The following CWC27 variants were observed in gnomAD, a reference collection of about 807,000 sequenced individuals.
The protein encoded by CWC27 is spliceosome-associated protein CWC27 homolog.
In CWC27, 47 loss-of-function variants were observed where a neutral mutation model predicts 63.6. The ratio of observed to expected loss-of-function variants is 0.74; its 90% CI spans 0.58 to 0.94. CWC27 has a LOEUF of 0.94. CWC27 is among the 40% of genes least tolerant of loss of function. The pLI is 0.00. For missense variants in CWC27, 495 were observed against 554.3 expected (o/e 0.89, Z 1.07); for synonymous variants, 175 against 179.8 (o/e 0.97, Z 0.22).
chr5:65,009,411 A>G lies in CWC27; in HGVS notation c.1257-8748A>G, dbSNP rs897823657. Among the ~76,000 whole-genome samples the G allele has an allele frequency of 2.0e-5, 3 of 152,250 alleles. 1 individual carries two copies. The highest frequency in any genetic ancestry group is 2.0e-4 in the Admixed American group (3 of 15,286). The stretch of plus-strand genomic sequence containing the variant: ...CACAGTAGCAGTATAATAGAGTATT[A>G]TAAAAATGTAAATATTCAAATAAGC... On this transcript the variant is annotated intron_variant, in intron 13 of 13. Transcript: ENST00000381070.
At chr5:64,949,108 A>AT (rs1176231586) in intron 11 of CWC27, among the ~76,000 whole-genome samples, 2 of 151,960 alleles carry the variant, frequency 1.3e-5, no homozygotes, top group African/African-American at 4.8e-5. Context: ...AACTTTATTT[A>AT]GACTTTTTAG....
At chr5:64,892,761 C>T (rs902987167) in intron 11 of CWC27, among the ~76,000 whole-genome samples, 2 of 151,984 alleles carry the variant, frequency 1.3e-5, no homozygotes, top group African/African-American at 4.8e-5. Flanking sequence ...TGAAAAATTC[C>T]CACTATTTCA....
chr5:64,776,725 T>G (rs1448489138), intron 2 of CWC27, among the ~76,000 whole-genome samples: 1 of 152,120 alleles, frequency 6.6e-6, no homozygotes, highest in Non-Finnish European at 1.5e-5. Context: ...GCTTCTATGA[T>G]TTAGACGAGT....
intron 11 of CWC27, among the ~76,000 whole-genome samples, chr5:64,969,714 G>A (rs540095373): frequency 6.6e-6 from 1 of 151,866 alleles, no homozygotes; most frequent in African/African-American, 2.4e-5. Context: ...AATGTCTAGT[G>A]AGTTTAAAGA....
intron 11 of CWC27, among the ~76,000 whole-genome samples, chr5:64,938,517 T>G (rs995403294): frequency 3.3e-5 from 5 of 152,310 alleles, no homozygotes; most frequent in Non-Finnish European, 7.3e-5. Flanking sequence ...ACCTGACCTT[T>G]CTCCCTGGCT....
chr5:64,992,897 T>G (rs1446807146), intron 13 of CWC27, among the ~76,000 whole-genome samples: 1 of 152,130 alleles, frequency 6.6e-6, no homozygotes, highest in Non-Finnish European at 1.5e-5. Flanking sequence ...GTACAATTAC[T>G]CGAAAATAAT....
At chr5:65,011,134 G>A (rs957008649) in intron 13 of CWC27, among the ~76,000 whole-genome samples, 11 of 152,266 alleles carry the variant, frequency 7.2e-5, no homozygotes, top group South Asian at 4.2e-4. Context: ...AGAGGCAGGA[G>A]GATCACTTGA....
intron 10 of CWC27, among the ~76,000 whole-genome samples, chr5:64,877,490 A>G (rs998763622): frequency 1.3e-5 from 2 of 151,990 alleles, no homozygotes; most frequent in African/African-American, 4.8e-5. Flanking sequence ...TCCATCCTCA[A>G]TAGCAGAGTA....
chr5:64,866,841 A>G (rs1746541221), intron 10 of CWC27, among the ~76,000 whole-genome samples: 1 of 152,106 alleles, frequency 6.6e-6, no homozygotes, highest in African/African-American at 2.4e-5. Flanking sequence ...ACCGTTTCAT[A>G]TGCATTTGAG....
intron 11 of CWC27, among the ~76,000 whole-genome samples, chr5:64,963,118 C>G (rs1417046793): frequency 6.6e-6 from 1 of 151,950 alleles, no homozygotes; most frequent in African/African-American, 2.4e-5. Context: ...CCACCACACC[C>G]AGCTAATTTT....
chr5:64,951,043 GTTTTTT>G (rs749072987), intron 11 of CWC27, among the ~76,000 whole-genome samples: 2 of 151,396 alleles, frequency 1.3e-5, no homozygotes, highest in African/African-American at 2.4e-5. Flanking sequence ...TGTTACTTTT[GTTTTTT>G]TAAGTATTAT....
At chr5:64,970,030 G>T (rs78248692) in intron 11 of CWC27, among the ~76,000 whole-genome samples, 8,878 of 152,148 alleles carry the variant, frequency 0.058, 495 homozygotes, top group African/African-American at 0.14. Context: ...GGTGGATACG[G>T]CAAAGGAGTT....
At chr5:64,776,068 CGAGAGA>C (rs70983650) in intron 2 of CWC27, among the ~76,000 whole-genome samples, 2,242 of 108,478 alleles carry the variant, frequency 0.021, 36 homozygotes, top group African/African-American at 0.037. Flanking sequence ...AGGAGTGGAG[CGAGAGA>C]GAGAGAGAGA....
At position 64,780,067 on chromosome 5, in the gene CWC27, T is replaced by A. The variant is rs115267636; in HGVS notation, c.140-1854T>A. 8.1e-3 allele frequency among the ~76,000 whole-genome samples: 1,230 copies of A among 152,158 alleles called. 13 individuals carry two copies. Among genetic ancestry groups the A allele is most frequent in the African/African-American group, 0.017 (696 of 41,530 alleles). On this transcript the variant is annotated intron_variant, in intron 2 of 13. Coordinates refer to ENST00000381070, the MANE Select transcript of CWC27 (RefSeq NM_005869.4). ...GTGTGAGAATGGACTAATATACCCC[T>A]CCTCCACCCACAGCCCCCAGCAACC... is the stretch of plus-strand genomic sequence containing the variant.
chr5:64,885,696 A>AGG (rs1381950386), intron 11 of CWC27, 150 bp downstream of exon 11: 42 of 197,648 alleles, frequency 2.1e-4, no homozygotes, highest in Non-Finnish European at 2.7e-4. Context: ...CTCTTGAGTT[A>AGG]GGGTGTGTGT....
chr5:64,960,920 C>T (rs1748897049), intron 11 of CWC27, among the ~76,000 whole-genome samples: 1 of 119,928 alleles, frequency 8.3e-6, no homozygotes, highest in Non-Finnish European at 1.8e-5. Flanking sequence ...GCTCAATACA[C>T]TGTTTTTTTT....
chr5:64,905,723 C>A (rs556881276), intron 11 of CWC27, among the ~76,000 whole-genome samples: 1 of 152,188 alleles, frequency 6.6e-6, no homozygotes, highest in South Asian at 2.1e-4. Flanking sequence ...TACATGTGCA[C>A]AACATGCAGG....
intron 11 of CWC27, among the ~76,000 whole-genome samples, chr5:64,940,207 C>T (rs1748446014): frequency 6.6e-6 from 1 of 152,158 alleles, no homozygotes; most frequent in African/African-American, 2.4e-5. Flanking sequence ...CAAACAGCTA[C>T]CCAGTCTTGT....
chr5:64,865,978 C>T lies in CWC27; in HGVS notation c.939-19465C>T, dbSNP rs570255303. On this transcript the variant is annotated intron_variant, in intron 10 of 13. Transcript: ENST00000381070. Reference sequence around the variant, plus strand: ...GAATCTGGTTTTAAAATGTTTAGAACTCAGAATAAGTCATTTTAACCAAAG... The same window carrying T: ...GAATCTGGTTTTAAAATGTTTAGAATTCAGAATAAGTCATTTTAACCAAAG... Among the ~76,000 whole-genome samples, 10 of 152,094 alleles carry T rather than the reference C, an allele frequency of 6.6e-5. No individual in the cohort carries two copies. The South Asian group carries it at 1.9e-3, about 28-fold the overall frequency.
Sources: gnomAD v4.1 joint callset for allele counts (sites outside exome capture counted in the v4.1 genomes callset) on GRCh38, gnomAD v4.1.1 for gene constraint, MANE v1.5 for transcripts, NCBI Gene and HGNC (gene_info 2026-07-23, HGNC 2026-07-21) for gene names.